The following TNKS variants were observed in gnomAD, a reference collection of about 807,000 sequenced individuals.
TNKS encodes the protein tankyrase.
In TNKS, 72 loss-of-function variants were observed where a neutral mutation model predicts 135.8. The ratio of observed to expected loss-of-function variants is 0.53; its 90% CI spans 0.44 to 0.64. TNKS has a LOEUF of 0.64. Ranked by LOEUF, TNKS falls within the 30% of genes least tolerant of loss-of-function variation. The pLI is 0.00. For synonymous variants in TNKS, 849 were observed against 649.3 expected (o/e 1.31, Z -4.68); for missense variants, 1,769 against 1,674.0 (o/e 1.06, Z -0.99).
chr8:9,633,396 G>A (rs1386239023), intron 3 of TNKS, among the ~76,000 whole-genome samples: 2 of 152,188 alleles, frequency 1.3e-5, no homozygotes, highest in Non-Finnish European at 2.9e-5. Flanking sequence ...CAATAGTGAA[G>A]TTCTCTAGAA....
At chr8:9,686,175 G>T (rs1404378948) in intron 5 of TNKS, among the ~76,000 whole-genome samples, 1 of 152,146 alleles carries the variant, frequency 6.6e-6, no homozygotes, top group Admixed American at 6.5e-5. Flanking sequence ...CCTGGCAGCT[G>T]CTAGTTTCTT....
intron 3 of TNKS, among the ~76,000 whole-genome samples, chr8:9,645,639 C>G (rs950744871): frequency 1.3e-5 from 2 of 152,100 alleles, no homozygotes; most frequent in African/African-American, 4.8e-5. Context: ...AGAGGGGAAA[C>G]AGGCATCATG....
chr8:9,640,704 T>C (rs1444294653), intron 3 of TNKS, among the ~76,000 whole-genome samples: 3 of 146,132 alleles, frequency 2.1e-5, no homozygotes, highest in East Asian at 2.1e-4. Context: ...GGAGCTGGCC[T>C]GACATAGCTA....
chr8:9,610,286 T>TA (rs1043214255), intron 2 of TNKS, among the ~76,000 whole-genome samples: 3 of 141,186 alleles, frequency 2.1e-5, no homozygotes, highest in South Asian at 2.3e-4. Flanking sequence ...AAAGAGTTTT[T>TA]AAAAAATCTA....
chr8:9,764,804 GT>G lies in TNKS; in HGVS notation c.3447+17del. On this transcript the variant is annotated intron_variant, in intron 23 of 26. Transcript: ENST00000310430. ...AATGTCATTCGAGTAAGTTTTTAAAGTTTCATGGTGAAAACTGGATTGCAAG... is the reference window on the plus strand; with the variant it reads ...AATGTCATTCGAGTAAGTTTTTAAAGTTCATGGTGAAAACTGGATTGCAAG... The G allele has an allele frequency of 6.4e-7, 1 of 1,574,028 alleles. No individual in the cohort carries two copies. The highest frequency in any genetic ancestry group is 8.6e-7 in the Non-Finnish European group (1 of 1,162,846).
chr8:9,558,092 T>C (rs1299873211), intron 1 of TNKS: 1 of 152,194 alleles, frequency 6.6e-6, no homozygotes, highest in African/African-American at 2.4e-5. Flanking sequence ...TAGAAATACA[T>C]TTTACATTGT....
intron 2 of TNKS, among the ~76,000 whole-genome samples, chr8:9,611,790 T>C (rs189713599): frequency 1.3e-5 from 2 of 152,330 alleles, no homozygotes; most frequent in African/African-American, 2.4e-5. Flanking sequence ...ATTTGAGAAA[T>C]TGCTTGGGGA....
intron 3 of TNKS, among the ~76,000 whole-genome samples, chr8:9,638,036 A>G (rs1314136563): frequency 6.6e-6 from 1 of 152,166 alleles, no homozygotes; most frequent in East Asian, 1.9e-4. Context: ...CGGCATGATC[A>G]TAGCTCACTG....
At chr8:9,653,323 C>T (rs984506838) in intron 3 of TNKS, among the ~76,000 whole-genome samples, 1 of 152,112 alleles carries the variant, frequency 6.6e-6, no homozygotes, top group African/African-American at 2.4e-5. Flanking sequence ...ATGCATCTGA[C>T]TGTCTCTGTT....
intron 19 of TNKS, among the ~76,000 whole-genome samples, chr8:9,752,318 TTAG>T (rs1482566595): frequency 5.9e-5 from 9 of 152,210 alleles, no homozygotes; most frequent in African/African-American, 9.6e-5. Flanking sequence ...AACCATAATA[TTAG>T]AATACAAATA....
At chr8:9,639,748 A>G (rs186989037) in intron 3 of TNKS, among the ~76,000 whole-genome samples, 123 of 152,290 alleles carry the variant, frequency 8.1e-4, no homozygotes, top group African/African-American at 2.8e-3. Context: ...GGTTTGTGCT[A>G]TAAGTGTATT....
Position 9,571,242 on chromosome 8 carries a change from T to G in TNKS, c.674-8917T>G, listed in dbSNP as rs566844382. On this transcript the variant is annotated intron_variant, in intron 1 of 26. Coordinates refer to ENST00000310430, the MANE Select transcript of TNKS (RefSeq NM_003747.3). ...TTTTTTCCTTTTTGGCTGCCAAGAT[T>G]GATGTATATATAGGTACCTATCTAT... Among the ~76,000 whole-genome samples, 136 of 152,296 alleles carry G rather than the reference T, an allele frequency of 8.9e-4. 1 individual carries two copies. The highest frequency in any genetic ancestry group is 3.2e-3 in the African/African-American group (132 of 41,560).
intron 1 of TNKS, among the ~76,000 whole-genome samples, chr8:9,576,885 A>G (rs1386322654): frequency 3.9e-5 from 6 of 152,176 alleles, no homozygotes; most frequent in Admixed American, 3.9e-4. Context: ...TATACAAATA[A>G]TAACATGAAA....
At chr8:9,665,377 T>C (rs889949737) in intron 3 of TNKS, among the ~76,000 whole-genome samples, 1 of 152,246 alleles carries the variant, frequency 6.6e-6, no homozygotes. Flanking sequence ...TGTGATGCTC[T>C]TCAGCAGTTG....
rs1806145107 is a variant in TNKS, at chr8:9,744,674, A to T, written c.2644-3350A>T. On this transcript the variant is annotated intron_variant, in intron 17 of 26. Coordinates refer to ENST00000310430, the MANE Select transcript of TNKS (RefSeq NM_003747.3). ...TTTGCTCTTATATACTGTGTTGAAT[A>T]GAACTGAACTGCTATTTATTGGATT... is the stretch of plus-strand genomic sequence containing the variant. Among the ~76,000 whole-genome samples, 3 of 152,360 alleles carry T rather than the reference A, an allele frequency of 2.0e-5. No individual in the cohort carries two copies. The South Asian group carries it at 6.2e-4, about 32-fold the overall frequency.
chr8:9,679,619 A>G, intron 3 of TNKS: 1 of 241,166 alleles, frequency 4.1e-6, no homozygotes, highest in East Asian at 8.0e-5. Flanking sequence ...CAGCCTGAAT[A>G]GAGAAAAGGG....
chr8:9,608,167 C>A (rs1799308628), intron 2 of TNKS, among the ~76,000 whole-genome samples: 1 of 152,076 alleles, frequency 6.6e-6, no homozygotes, highest in Non-Finnish European at 1.5e-5. Flanking sequence ...TCTTAAACTC[C>A]TAGGCTTAAG....
intron 3 of TNKS, among the ~76,000 whole-genome samples, chr8:9,666,770 A>C (rs1032835247): frequency 1.3e-4 from 20 of 152,194 alleles, no homozygotes; most frequent in African/African-American, 4.8e-4. Context: ...CGTTTTGAGT[A>C]AGTACAAATG....
At chr8:9,602,228 A>T (rs771037419) in intron 2 of TNKS, among the ~76,000 whole-genome samples, 1 of 152,206 alleles carries the variant, frequency 6.6e-6, no homozygotes, top group Non-Finnish European at 1.5e-5. Context: ...GCAACAAGCC[A>T]CTTGTAGGTT....
Sources: gnomAD v4.1 joint callset for allele counts (sites outside exome capture counted in the v4.1 genomes callset) on GRCh38, gnomAD v4.1.1 for gene constraint, MANE v1.5 for transcripts, NCBI Gene and HGNC (gene_info 2026-07-23, HGNC 2026-07-21) for gene names.